NR2C2: variants seen among roughly 807,000 people sequenced by gnomAD.
NR2C2 encodes the protein Nuclear hormone receptor TR4.
NR2C2 carries 6 observed loss-of-function variants against 62.9 expected under a neutral mutation model. The ratio of observed to expected loss-of-function variants is 0.10; its 90% CI spans 0.05 to 0.19. The LOEUF is 0.19. Among genes scored for constraint, NR2C2 ranks in the 10% least tolerant of loss-of-function variants. NR2C2 has a pLI of 1.00. For missense variants in NR2C2, 479 were observed against 762.7 expected (o/e 0.63, Z 4.38); for synonymous variants, 272 against 273.8 (o/e 0.99, Z 0.07).
chr3:14,965,755 C>T (rs1307351703), intron 1 of NR2C2, among the ~76,000 whole-genome samples: 2 of 152,114 alleles, frequency 1.3e-5, no homozygotes, highest in Non-Finnish European at 2.9e-5. Context: ...CCTCCGCCTC[C>T]TGGGTTCAAG....
At chr3:15,028,502 T>C (rs2041884143) in intron 7 of NR2C2, 84 bp from the exon 8 acceptor site, 5 of 1,385,906 alleles carry the variant, frequency 3.6e-6, no homozygotes, top group Non-Finnish European at 4.0e-6. Flanking sequence ...AAGCTGTTTT[T>C]GAACCAGCAT....
intron 1 of NR2C2, among the ~76,000 whole-genome samples, chr3:14,953,284 C>T (rs58655099): frequency 1.3e-5 from 2 of 152,100 alleles, no homozygotes; most frequent in Non-Finnish European, 2.9e-5. Context: ...TAACAGTTAC[C>T]TCAAAGATTC....
chr3:15,032,097 C>T (rs754897083), intron 9 of NR2C2, among the ~76,000 whole-genome samples: 25 of 152,200 alleles, frequency 1.6e-4, no homozygotes, highest in Non-Finnish European at 2.9e-4. Flanking sequence ...GAACAAATAA[C>T]AGTTTAGCTG....
chr3:14,968,269 A>C (rs1425306909), intron 1 of NR2C2, among the ~76,000 whole-genome samples: 1 of 152,246 alleles, frequency 6.6e-6, no homozygotes, highest in Non-Finnish European at 1.5e-5. Context: ...CAGAATCTAC[A>C]ATGAACTCAA....
chr3:14,984,118 C>T (rs142430730), intron 1 of NR2C2, among the ~76,000 whole-genome samples: 14,156 of 151,868 alleles, frequency 0.093, 829 homozygotes, highest in South Asian at 0.17. Context: ...GAACTCCCGA[C>T]CTCAGGTGAT....
intron 4 of NR2C2, among the ~76,000 whole-genome samples, chr3:15,016,951 A>G (rs765443492): frequency 5.3e-5 from 8 of 152,188 alleles, no homozygotes; most frequent in Admixed American, 3.3e-4. Context: ...GATCCATAGA[A>G]GGTTAGTGAG....
chr3:15,031,171 C>T (rs2041970150), intron 9 of NR2C2, among the ~76,000 whole-genome samples: 1 of 152,130 alleles, frequency 6.6e-6, no homozygotes, highest in African/African-American at 2.4e-5. Context: ...AACAAGCAGG[C>T]AGCCAGCCAT....
At chr3:14,970,277 T>TG (rs1411954493) in intron 1 of NR2C2, among the ~76,000 whole-genome samples, 5 of 21,738 alleles carry the variant, frequency 2.3e-4, no homozygotes, top group African/African-American at 7.0e-4. Flanking sequence ...GGGTGGGGGG[T>TG]GGGGGGGTGG....
intron 1 of NR2C2, among the ~76,000 whole-genome samples, chr3:14,972,085 C>T (rs1407857649): frequency 6.6e-6 from 1 of 151,316 alleles, no homozygotes; most frequent in Non-Finnish European, 1.5e-5. Flanking sequence ...CTTGGGATTA[C>T]AGGCATGAGC....
Position 14,968,172 on chromosome 3 carries a change from G to A in NR2C2, c.-40+20266G>A, listed in dbSNP as rs376504007. ...TTAAGCTAAAGAGCTTCTGCACAGC[G>A]AAAGAAACTACCATCAGAGTGAACA... On this transcript the variant is annotated intron_variant, in intron 1 of 13. Transcript: ENST00000425241. Among the ~76,000 whole-genome samples the A allele has an allele frequency of 2.8e-4, 43 of 152,236 alleles. No individual in the cohort carries two copies. The East Asian group carries it at 5.8e-3, about 21-fold the overall frequency.
intron 1 of NR2C2, among the ~76,000 whole-genome samples, chr3:14,964,454 A>C (rs1216606644): frequency 1.3e-5 from 2 of 151,896 alleles, no homozygotes; most frequent in Non-Finnish European, 2.9e-5. Flanking sequence ...TGCGTAGTTT[A>C]TTGTCATGCA....
Position 15,020,366 on chromosome 3 carries a change from G to A in NR2C2, c.377-387G>A, listed in dbSNP as rs376580231. On this transcript the variant is annotated intron_variant, in intron 4 of 13. Coordinates refer to ENST00000425241, the MANE Select transcript of NR2C2 (RefSeq NM_001291694.2). ...CGTGGCAGGACAGGGGCCCTGAGCC[G>A]CATCACAAGCCCAGATCTCCAGGAA... Among the ~76,000 whole-genome samples the A allele has an allele frequency of 4.1e-4, 62 of 152,320 alleles. No individual in the cohort carries two copies. The East Asian group carries it at 4.2e-3, about 10-fold the overall frequency.
chr3:15,023,067 C>T, intron 5 of NR2C2, 133 bp from the exon 6 acceptor site: 1 of 968,906 alleles, frequency 1.0e-6, no homozygotes, highest in Non-Finnish European at 1.5e-6. Context: ...GAAAAGTCCA[C>T]TGTGAAAGCT....
In NR2C2 at chr3:15,044,433, A is replaced by G. The variant is rs2042380151; in HGVS notation, c.*1425A>G. The G allele has an allele frequency of 6.6e-6, 1 of 152,170 alleles. No homozygotes were observed. Among genetic ancestry groups the G allele is most frequent in the Admixed American group, 6.5e-5 (1 of 15,276 alleles). The allele number at this position is 152,170 out of a possible 1,614,324, so 9.4% of individuals were successfully genotyped here. ...TTTCTCCTCATAAATTGTAGCAACC[A>G]GAGTTTACAGCAAGAACAGTATGCG... On this transcript the variant is annotated 3_prime_UTR_variant, in exon 14 of 14. Coordinates refer to ENST00000425241, the MANE Select transcript of NR2C2 (RefSeq NM_001291694.2).
intron 4 of NR2C2, among the ~76,000 whole-genome samples, chr3:15,018,822 G>T (rs1289392535): frequency 6.6e-6 from 1 of 151,952 alleles, no homozygotes; most frequent in African/African-American, 2.4e-5. Context: ...TTCGAGACTA[G>T]CCTGGCCAAC....
At chr3:14,974,953 CTTCCTTGGTTAAATT>C (rs1433534517) in intron 1 of NR2C2, among the ~76,000 whole-genome samples, 2 of 152,138 alleles carry the variant, frequency 1.3e-5, no homozygotes, top group Non-Finnish European at 2.9e-5. Context: ...AAGAATTTTG[CTTCCTTGGTTAAATT>C]TAATCCTGAA....
At chr3:15,005,957 GCA>G (rs2041162016) in intron 2 of NR2C2, among the ~76,000 whole-genome samples, 1 of 152,126 alleles carries the variant, frequency 6.6e-6, no homozygotes, top group Non-Finnish European at 1.5e-5. Context: ...TGTAATCCCA[GCA>G]CTTAGGGAGG....
intron 1 of NR2C2, among the ~76,000 whole-genome samples, chr3:14,950,119 C>G (rs937903475): frequency 6.6e-6 from 1 of 152,120 alleles, no homozygotes; most frequent in Non-Finnish European, 1.5e-5. Context: ...TCATTATGAA[C>G]TACTGGTATA....
intron 2 of NR2C2, among the ~76,000 whole-genome samples, chr3:15,008,490 C>G (rs1312100189): frequency 2.0e-5 from 3 of 151,470 alleles, no homozygotes; most frequent in Admixed American, 6.6e-5. Context: ...CTGCTGCACT[C>G]CAGCCTGGGT....
Sources: allele counts gnomAD v4.1 joint callset (sites outside exome capture counted in the v4.1 genomes callset), GRCh38; gene constraint gnomAD v4.1.1; transcripts MANE v1.5; gene names NCBI Gene and HGNC (gene_info 2026-07-23, HGNC 2026-07-21).